The following GRB10 variants were observed in gnomAD, a reference collection of about 807,000 sequenced individuals.
GRB10 encodes the protein growth factor receptor-bound protein 10.
A neutral mutation model predicts 80.9 loss-of-function variants in GRB10; 20 were observed. The ratio of observed to expected loss-of-function variants is 0.25; its 90% CI spans 0.17 to 0.36. The LOEUF is 0.36. Ranked by LOEUF, GRB10 falls within the 10% of genes least tolerant of loss-of-function variation. The pLI is 1.00. For missense variants in GRB10, 548 were observed against 747.7 expected, an observed-to-expected ratio of 0.73 and a Z score of 3.12; for synonymous variants, 291 against 291.5, an observed-to-expected ratio of 1.00 and a Z score of 0.02.
chr7:50,752,828 TA>T (rs1381987397), intron 3 of GRB10, among the ~76,000 whole-genome samples: 1 of 152,162 alleles, frequency 6.6e-6, no homozygotes, highest in East Asian at 1.9e-4. Context: ...AGGCAACCCC[TA>T]AAACTTCTCC....
At chr7:50,597,888 A>G (rs541923521) in intron 17 of GRB10, among the ~76,000 whole-genome samples, 2 of 151,886 alleles carry the variant, frequency 1.3e-5, no homozygotes, top group East Asian at 3.9e-4. Flanking sequence ...TTTGAGATGG[A>G]GTTTTGCTCT....
intron 7 of GRB10, among the ~76,000 whole-genome samples, chr7:50,659,606 T>G (rs1186598173): frequency 1.6e-5 from 1 of 64,078 alleles, no homozygotes; most frequent in Non-Finnish European, 3.4e-5. Flanking sequence ...TGTGCAATAG[T>G]GTGTGTGCCC....
intron 4 of GRB10, among the ~76,000 whole-genome samples, chr7:50,725,836 T>G (rs966337946): frequency 3.9e-5 from 6 of 152,176 alleles, no homozygotes; most frequent in African/African-American, 4.8e-5. Context: ...TGAAATCTTA[T>G]GAAAAAGATA....
At chr7:50,604,126 T>A (rs1237026690) in intron 16 of GRB10, 41 bp from the exon 17 acceptor site, 1 of 1,526,644 alleles carries the variant, frequency 6.6e-7, no homozygotes, top group African/African-American at 1.4e-5. Flanking sequence ...TGGTGGTGCC[T>A]CTGCAGAATG....
chr7:50,783,422 A>C (rs79156996), upstream of GRB10, among the ~76,000 whole-genome samples: 8,764 of 100,534 alleles, frequency 0.087, 589 homozygotes, highest in Admixed American at 0.25. Context: ...ACACACACAC[A>C]CCCCACACAC....
At chr7:50,786,127 A>C (rs929150128), upstream of GRB10, among the ~76,000 whole-genome samples, 6 of 152,156 alleles carry the variant, frequency 3.9e-5, no homozygotes, top group Non-Finnish European at 7.3e-5. Flanking sequence ...TAAGAAATTC[A>C]AAATGAAAAT....
At chr7:50,784,799 A>C (rs2078623311), upstream of GRB10, among the ~76,000 whole-genome samples, 1 of 152,240 alleles carries the variant, frequency 6.6e-6, no homozygotes, top group Non-Finnish European at 1.5e-5. Context: ...GAAAGTGGAG[A>C]TGAAGCCTGA....
chr7:50,595,025 C>A (rs950187060), intron 18 of GRB10, among the ~76,000 whole-genome samples: 2 of 152,170 alleles, frequency 1.3e-5, no homozygotes, highest in Admixed American at 1.3e-4. Context: ...CCTTCCAGAC[C>A]CACGTGCTCA....
chr7:50,646,577 G>A (rs1369383957), intron 7 of GRB10, among the ~76,000 whole-genome samples: 3 of 152,098 alleles, frequency 2.0e-5, no homozygotes, highest in Admixed American at 6.6e-5. Flanking sequence ...GGACATAGAG[G>A]TGATATGGTA....
intron 18 of GRB10, 130 bp from the exon 19 acceptor site, chr7:50,593,228 T>G: frequency 9.6e-7 from 1 of 1,041,122 alleles, no homozygotes; most frequent in African/African-American, 1.5e-5. Context: ...CAAGGTAGGC[T>G]AGAAAACACC....
chr7:50,618,228 T>G, intron 9 of GRB10, 89 bp from the exon 10 acceptor site: 1 of 953,766 alleles, frequency 1.0e-6, no homozygotes, highest in Middle Eastern at 2.1e-4. Flanking sequence ...TTTAAAACTA[T>G]TCCTACCAGT....
intron 2 of GRB10, among the ~76,000 whole-genome samples, chr7:50,770,879 A>C (rs2076921647): frequency 6.6e-6 from 1 of 152,102 alleles, no homozygotes; most frequent in African/African-American, 2.4e-5. Flanking sequence ...GTCAATTCCT[A>C]AAATAGTAAA....
intron 4 of GRB10, among the ~76,000 whole-genome samples, chr7:50,705,597 A>G (rs1020199127): frequency 2.0e-5 from 3 of 152,238 alleles, no homozygotes; most frequent in African/African-American, 7.2e-5. Flanking sequence ...TGCATACTCT[A>G]TTTGAGTCAC....
rs1285763014 is a variant in GRB10 at position 50,741,209 on chromosome 7, A to G, written c.-46-8841T>C. Reference sequence around the variant, plus strand: ...TGTTGCAGATGTTGGTCTATTATGTAGGACAAAGAAATAAAATTGGAATGA... The same window carrying G: ...TGTTGCAGATGTTGGTCTATTATGTGGGACAAAGAAATAAAATTGGAATGA... On this transcript the variant is annotated intron_variant, in intron 3 of 18. Coordinates refer to ENST00000401949, the MANE Select transcript of GRB10 (RefSeq NM_001350814.2). Among the ~76,000 whole-genome samples, 6 of 152,374 alleles carry G rather than the reference A, an allele frequency of 3.9e-5. No homozygotes were observed. In the East Asian group the frequency reaches 1.2e-3, roughly 29 times the overall value.
At chr7:50,714,657 T>C (rs1284396030) in intron 4 of GRB10, among the ~76,000 whole-genome samples, 1 of 93,240 alleles carries the variant, frequency 1.1e-5, no homozygotes, top group Non-Finnish European at 2.1e-5. Context: ...AGCGAGACTC[T>C]GTCTCAAAAA....
intron 5 of GRB10, among the ~76,000 whole-genome samples, chr7:50,685,751 A>C (rs1047579452): frequency 6.6e-6 from 1 of 152,222 alleles, no homozygotes; most frequent in Non-Finnish European, 1.5e-5. Flanking sequence ...AGCTCTAAAA[A>C]GAGCCTGAAT....
intron 3 of GRB10, among the ~76,000 whole-genome samples, chr7:50,745,571 G>A (rs2072749648): frequency 6.6e-6 from 1 of 152,198 alleles, no homozygotes; most frequent in Admixed American, 6.5e-5. Context: ...CCAACGGGAA[G>A]GAAAAGCAAA....
intron 8 of GRB10, among the ~76,000 whole-genome samples, chr7:50,622,167 A>T (rs963144799): frequency 6.6e-6 from 1 of 152,256 alleles, no homozygotes; most frequent in East Asian, 1.9e-4. Context: ...GTAATCAGTG[A>T]GATAGCCCTG....
intron 5 of GRB10, among the ~76,000 whole-genome samples, chr7:50,694,152 C>T (rs187575955): frequency 6.6e-6 from 1 of 152,286 alleles, no homozygotes; most frequent in East Asian, 1.9e-4. Context: ...GGCGAAACCC[C>T]GTTTCTACCC....
Sources: allele counts gnomAD v4.1 joint callset (sites outside exome capture counted in the v4.1 genomes callset), GRCh38; gene constraint gnomAD v4.1.1; transcripts MANE v1.5; gene names NCBI Gene and HGNC (gene_info 2026-07-23, HGNC 2026-07-21).